Variants in IP6K3 observed in about 807,000 individuals in gnomAD.
The protein encoded by IP6K3 is inositol hexakisphosphate kinase 3, also known as ATP:1D-myo-inositol-hexakisphosphate phosphotransferase.
Under a neutral mutation model 28.8 loss-of-function variants are expected in IP6K3, and 20 were observed. The observed-to-expected ratio is 0.70, with a 90% CI of 0.49 to 1.01. IP6K3 has a LOEUF of 1.01. Ranked by LOEUF, IP6K3 falls within the 50% of genes least tolerant of loss-of-function variation. The probability of loss-of-function intolerance (pLI) is 0.00; values close to 1 mark genes in which losing one functional copy is unlikely to be tolerated. For missense variants in IP6K3, 480 were observed against 537.1 expected (o/e 0.89, Z 1.05); for synonymous variants, 213 against 221.3 (o/e 0.96, Z 0.33).
At chr6:33,730,773 T>C (rs1204933582) in intron 2 of IP6K3, among the ~76,000 whole-genome samples, 1 of 152,132 alleles carries the variant, frequency 6.6e-6, no homozygotes. Context: ...GGTGGAGCTC[T>C]GGGAGGGCCA....
rs543318808 is a variant in IP6K3 at position 33,740,385 on chromosome 6, AG to A, written c.-179-4731del. On this transcript the variant is annotated intron_variant, in intron 1 of 5. Coordinates refer to ENST00000293756, the MANE Select transcript of IP6K3 (RefSeq NM_054111.5). ...GCTGGGCCTCACTCCAGGAGACTCCAGGGCTAATTTCTGCTGATGGGGCGCA... is the reference window on the plus strand; with the variant it reads ...GCTGGGCCTCACTCCAGGAGACTCCAGGCTAATTTCTGCTGATGGGGCGCA... Among the ~76,000 whole-genome samples, 12 of 152,348 alleles carry A rather than the reference AG, an allele frequency of 7.9e-5. No homozygotes were observed. In the East Asian group the frequency reaches 2.3e-3, roughly 29 times the overall value.
At chr6:33,752,496 T>A in the IP6K3 span, among the ~76,000 whole-genome samples, 1 of 152,200 alleles carries the variant, frequency 6.6e-6, no homozygotes, top group Non-Finnish European at 1.5e-5. Flanking sequence ...CTCAGAGCAG[T>A]CCTTTAGAGA....
intron 5 of IP6K3, 125 bp from the exon 6 acceptor site, chr6:33,723,312 G>A: frequency 3.1e-6 from 2 of 638,346 alleles, no homozygotes; most frequent in Non-Finnish European, 5.3e-6. Flanking sequence ...TAGGGCAAGA[G>A]TGACTGAAAT....
Position 33,735,366 on chromosome 6 carries a change from A to G in IP6K3, c.111T>C (p.His37=). ...GHMSVMKYDE[H]TVCKPLVSRE... ...GGGAGACGAGGGGCTTGCACACCGT[A>G]TGCTCGTCATACTTCATCACGCTCA... Residue 37 remains histidine, a synonymous_variant, in exon 2 of 6, where the codon CAT becomes CAC. Coordinates refer to ENST00000293756, the MANE Select transcript of IP6K3 (RefSeq NM_054111.5). 1 of 1,606,772 alleles carries G rather than the reference A, an allele frequency of 6.2e-7. No individual in the cohort carries two copies. Among genetic ancestry groups the G allele is most frequent in the Non-Finnish European group, 8.5e-7 (1 of 1,176,416 alleles).
At chr6:33,731,116 G>A (rs1242836045) in intron 2 of IP6K3, among the ~76,000 whole-genome samples, 3 of 152,202 alleles carry the variant, frequency 2.0e-5, no homozygotes, top group African/African-American at 7.2e-5. Flanking sequence ...ATCTTTCCAG[G>A]TGCGAGAAGG....
At chr6:33,755,347 A>C in the IP6K3 span, among the ~76,000 whole-genome samples, 4 of 152,206 alleles carry the variant, frequency 2.6e-5, no homozygotes, top group African/African-American at 7.2e-5. Context: ...AGAAGGCGAG[A>C]AGCCAGTTCA....
At chr6:33,728,814 G>C (rs1766218602) in intron 2 of IP6K3, among the ~76,000 whole-genome samples, 1 of 152,070 alleles carries the variant, frequency 6.6e-6, no homozygotes, top group East Asian at 1.9e-4. Context: ...GTCTTTATCG[G>C]ACCTGCTTCT....
the IP6K3 span, among the ~76,000 whole-genome samples, chr6:33,757,047 C>T: frequency 6.6e-6 from 1 of 152,254 alleles, no homozygotes; most frequent in Non-Finnish European, 1.5e-5. Context: ...CGGCCACTGC[C>T]TCAGCCTTCA....
Position 33,728,095 on chromosome 6 carries a change from G to T in IP6K3, c.405C>A (p.Pro135=), listed in dbSNP as rs757628812. 3 of 1,603,910 alleles carry T rather than the reference G, an allele frequency of 1.9e-6. No individual in the cohort carries two copies. The highest frequency in any genetic ancestry group is 2.7e-5 in the African/African-American group (2 of 74,928). The change falls in exon 3 of 6, where the codon CCC becomes CCA. Residue 135 remains proline, a synonymous_variant. Coordinates refer to ENST00000293756, the MANE Select transcript of IP6K3 (RefSeq NM_054111.5). Reference sequence around the variant, plus strand: ...CTGCCCAGTGCCCTCACCTCTCCTTGGGTGAGCGTGCCAGCTGGGCATGCG... The same window carrying T: ...CTGCCCAGTGCCCTCACCTCTCCTTTGGTGAGCGTGCCAGCTGGGCATGCG... ...QWPHAQLARS[P]KESPAKALLR...
At position 33,735,518 on chromosome 6, in the gene IP6K3, T is replaced by C; in HGVS notation, c.-42A>G. 1.9e-6 allele frequency: 3 copies of C among 1,592,972 alleles called. No homozygotes were observed. The highest frequency in any genetic ancestry group is 2.6e-6 in the Non-Finnish European group (3 of 1,174,858). Reference sequence around the variant, plus strand: ...GGTGGGGGGTCCCTGCACAGTCTGCTAGAGGAAGGTTTGAAGTAGAAAGGG... The same window carrying C: ...GGTGGGGGGTCCCTGCACAGTCTGCCAGAGGAAGGTTTGAAGTAGAAAGGG... On this transcript the variant is annotated 5_prime_UTR_variant, in exon 2 of 6. Transcript: ENST00000293756.
At chr6:33,753,938 A>G in the IP6K3 span, among the ~76,000 whole-genome samples, 1 of 152,098 alleles carries the variant, frequency 6.6e-6, no homozygotes, top group Non-Finnish European at 1.5e-5. Context: ...CCTCCCGAGT[A>G]GCTGGGACTA....
At chr6:33,723,745 A>G (rs918712150) in intron 5 of IP6K3, among the ~76,000 whole-genome samples, 10 of 152,222 alleles carry the variant, frequency 6.6e-5, no homozygotes, top group Admixed American at 2.0e-4. Context: ...TCAGGTGTGG[A>G]CAGGGTTTCT....
chr6:33,732,849 G>C (rs1766366109), intron 2 of IP6K3, among the ~76,000 whole-genome samples: 1 of 152,154 alleles, frequency 6.6e-6, no homozygotes, highest in African/African-American at 2.4e-5. Flanking sequence ...GCCCTTTCAG[G>C]GACTCTTCCC....
chr6:33,731,682 C>A (rs1766327860), intron 2 of IP6K3, among the ~76,000 whole-genome samples: 1 of 152,108 alleles, frequency 6.6e-6, no homozygotes, highest in African/African-American at 2.4e-5. Flanking sequence ...AGATAGCCCC[C>A]TTAAAAACAG....
chr6:33,727,733 T>C (rs920841644), intron 3 of IP6K3: 25 of 711,686 alleles, frequency 3.5e-5, no homozygotes, highest in Non-Finnish European at 4.3e-5. Context: ...TTCCTCTACA[T>C]ACACTATTCT....
Position 33,728,218 on chromosome 6 carries a change from G to C in IP6K3, c.282C>G (p.Pro94=). ...CCGCCGACTCTGTGGAGACCTTGAA[G>C]GGCTCCTGGCTCTCCTTCACTGGGT... ...VANPVKESQE[P]FKVSTESAAV... The change falls in exon 3 of 6, where the codon CCC becomes CCG. Residue 94 remains proline (P), a synonymous_variant. Coordinates refer to ENST00000293756, the MANE Select transcript of IP6K3 (RefSeq NM_054111.5). The C allele has an allele frequency of 6.2e-7, 1 of 1,614,156 alleles. No individual in the cohort carries two copies. The highest frequency in any genetic ancestry group is 8.5e-7 in the Non-Finnish European group (1 of 1,180,046).
chr6:33,752,423 G>A, the IP6K3 span, among the ~76,000 whole-genome samples: 1 of 152,246 alleles, frequency 6.6e-6, no homozygotes, highest in African/African-American at 2.4e-5. Context: ...CCTGCCCTGA[G>A]CATCTCCCCA....
intron 5 of IP6K3, among the ~76,000 whole-genome samples, chr6:33,724,485 C>G (rs994468452): frequency 6.6e-6 from 1 of 152,164 alleles, no homozygotes; most frequent in Non-Finnish European, 1.5e-5. Flanking sequence ...TTTATTTTAT[C>G]CTGTTCTCCT....
chr6:33,751,667 G>A (rs1767024706), upstream of IP6K3, among the ~76,000 whole-genome samples: 1 of 152,170 alleles, frequency 6.6e-6, no homozygotes, highest in Non-Finnish European at 1.5e-5. This position sits in a 1 kb window ranked among gnomAD's most constrained non-coding sequence, Gnocchi z 4.3. Context: ...AGCCCTGTGA[G>A]GGAGGGGCCA....
Sources: allele counts gnomAD v4.1 joint callset (sites outside exome capture counted in the v4.1 genomes callset), GRCh38; gene constraint gnomAD v4.1.1; non-coding constraint Gnocchi (gnomAD v3.1); transcripts MANE v1.5; gene names NCBI Gene and HGNC (gene_info 2026-07-23, HGNC 2026-07-21).